NRG1: variants seen among roughly 807,000 people sequenced by gnomAD.
NRG1 encodes the protein neuregulin 1, also known as pro-neuregulin-1, membrane-bound isoform.
Under a neutral mutation model 63.8 loss-of-function variants are expected in NRG1, and 18 were observed. That is an observed-to-expected ratio of 0.28 (90% CI 0.19 to 0.42). The LOEUF is 0.42. Among genes scored for constraint, NRG1 ranks in the 10% least tolerant of loss-of-function variants. The probability of loss-of-function intolerance (pLI) is 1.00; values close to 1 mark genes in which losing one functional copy is unlikely to be tolerated. For synonymous variants in NRG1, 302 were observed against 301.3 expected (o/e 1.00, Z -0.02); for missense variants, 762 against 814.7 (o/e 0.94, Z 0.79).
chr8:32,761,490 A>G (rs1241653050), intron 11 of NRG1, among the ~76,000 whole-genome samples: 6 of 152,008 alleles, frequency 3.9e-5, no homozygotes, highest in African/African-American at 1.5e-4. Context: ...CTTCAAAATG[A>G]TATTTTAGAA....
At chr8:31,726,482 A>G (rs1035645946) in intron 1 of NRG1, among the ~76,000 whole-genome samples, 1 of 152,148 alleles carries the variant, frequency 6.6e-6, no homozygotes, top group African/African-American at 2.4e-5. Flanking sequence ...CTCATGCTTT[A>G]AGACACTTTG....
chr8:32,734,288 T>C (rs1824453490), intron 6 of NRG1, among the ~76,000 whole-genome samples: 1 of 152,214 alleles, frequency 6.6e-6, no homozygotes, highest in African/African-American at 2.4e-5. Flanking sequence ...GCTGAATTAA[T>C]ATAATTAAAC....
At chr8:32,536,981 G>A (rs373824089) in intron 1 of NRG1, among the ~76,000 whole-genome samples, 1 of 134,960 alleles carries the variant, frequency 7.4e-6, no homozygotes, top group African/African-American at 2.8e-5. Flanking sequence ...AGTGGCTCAC[G>A]CCTGTAATCC....
chr8:32,620,865 A>G (rs563895029), intron 5 of NRG1, among the ~76,000 whole-genome samples: 3 of 152,142 alleles, frequency 2.0e-5, no homozygotes, highest in Admixed American at 6.5e-5. Context: ...AGAAAAAGAA[A>G]AAAACAAAAA....
intron 1 of NRG1, among the ~76,000 whole-genome samples, chr8:32,151,696 G>A (rs1419182331): frequency 1.3e-5 from 2 of 152,166 alleles, no homozygotes; most frequent in African/African-American, 4.8e-5. Flanking sequence ...TCTGAGCAGG[G>A]GGAACCTGGC....
chr8:32,521,387 T>C (rs2129505814), intron 1 of NRG1, among the ~76,000 whole-genome samples: 1 of 152,240 alleles, frequency 6.6e-6, no homozygotes, highest in African/African-American at 2.4e-5. Flanking sequence ...GATGTGAAAA[T>C]TAAGGTAATC....
At chr8:32,308,222 C>T (rs1185750809) in intron 1 of NRG1, among the ~76,000 whole-genome samples, 1 of 152,088 alleles carries the variant, frequency 6.6e-6, no homozygotes, top group Non-Finnish European at 1.5e-5. Context: ...ATTTAGAATC[C>T]TTCGCTTTCC....
At chr8:31,857,434 G>T (rs1259171907) in intron 1 of NRG1, among the ~76,000 whole-genome samples, 2 of 152,226 alleles carry the variant, frequency 1.3e-5, no homozygotes. Flanking sequence ...GACCCCTTGG[G>T]CTTCCCGAGT....
chr8:31,906,115 C>T (rs1342451027), intron 1 of NRG1, among the ~76,000 whole-genome samples: 1 of 152,198 alleles, frequency 6.6e-6, no homozygotes, highest in East Asian at 1.9e-4. Flanking sequence ...ATGACCCCAA[C>T]TCAAGGTCTC....
chr8:32,083,722 G>T (rs1482309312), intron 1 of NRG1, among the ~76,000 whole-genome samples: 1 of 152,044 alleles, frequency 6.6e-6, no homozygotes, highest in Non-Finnish European at 1.5e-5. Flanking sequence ...ACAAAATAAT[G>T]GGAGGGGGAA....
intron 1 of NRG1, among the ~76,000 whole-genome samples, chr8:32,457,192 A>G (rs1242418365): frequency 6.6e-6 from 1 of 152,170 alleles, no homozygotes; most frequent in African/African-American, 2.4e-5. Flanking sequence ...CCTCTCTTCA[A>G]CTGAAATCTA....
intron 1 of NRG1, among the ~76,000 whole-genome samples, chr8:32,187,669 G>A: frequency 6.6e-6 from 1 of 151,868 alleles, no homozygotes; most frequent in East Asian, 1.9e-4. Context: ...TCACTATCAA[G>A]AAAGAAGGGG....
At chr8:32,413,603 T>C (rs1815426358) in intron 1 of NRG1, among the ~76,000 whole-genome samples, 1 of 152,200 alleles carries the variant, frequency 6.6e-6, no homozygotes, top group South Asian at 2.1e-4. Context: ...CTGCCTTCTA[T>C]AGAACACATT....
chr8:32,735,080 G>T (rs771239648), intron 6 of NRG1, among the ~76,000 whole-genome samples: 19 of 152,162 alleles, frequency 1.2e-4, no homozygotes, highest in Non-Finnish European at 1.9e-4. Context: ...GTCAGAGGCT[G>T]ACTCTGCTCT....
At chr8:31,794,454 C>A (rs1304227676) in intron 1 of NRG1, among the ~76,000 whole-genome samples, 2 of 150,630 alleles carry the variant, frequency 1.3e-5, no homozygotes, top group South Asian at 2.1e-4. Context: ...AATTTGTAAT[C>A]TAGTATGAGG....
chr8:32,133,501 T>C (rs1585543333), intron 1 of NRG1, among the ~76,000 whole-genome samples: 3 of 152,312 alleles, frequency 2.0e-5, no homozygotes. Flanking sequence ...ATTTCATTTA[T>C]GCAATTCAAA....
At chr8:32,440,374 G>A (rs978619169) in intron 1 of NRG1, among the ~76,000 whole-genome samples, 2 of 151,992 alleles carry the variant, frequency 1.3e-5, no homozygotes, top group African/African-American at 2.4e-5. Context: ...TCCCTAGCTG[G>A]TCTTGAACTC....
chr8:32,385,652 C>T (rs1208575550), intron 1 of NRG1, among the ~76,000 whole-genome samples: 4 of 152,020 alleles, frequency 2.6e-5, no homozygotes, highest in East Asian at 1.9e-4. Flanking sequence ...ATTTACTCAC[C>T]GTCACAACAG....
intron 1 of NRG1, among the ~76,000 whole-genome samples, chr8:32,020,068 A>T (rs1327149001): frequency 6.6e-6 from 1 of 152,166 alleles, no homozygotes; most frequent in Non-Finnish European, 1.5e-5. Context: ...ATGCTATTGC[A>T]TTAAAACCGT....
Sources: allele counts gnomAD v4.1 joint callset (sites outside exome capture counted in the v4.1 genomes callset), GRCh38; gene constraint gnomAD v4.1.1; transcripts MANE v1.5; gene names NCBI Gene and HGNC (gene_info 2026-07-23, HGNC 2026-07-21).